The following SPATC1 variants were observed in gnomAD, a reference collection of about 807,000 sequenced individuals.
SPATC1 encodes spermatogenesis and centriole associated 1.
Under a neutral mutation model 36.5 loss-of-function variants are expected in SPATC1, and 35 were observed. The observed-to-expected ratio is 0.96, with a 90% CI of 0.73 to 1.27. The LOEUF (loss-of-function observed/expected upper bound fraction) is 1.27. Ranked by LOEUF, SPATC1 falls within the 50% of genes most tolerant of loss-of-function variation. The pLI, the probability that SPATC1 is intolerant of heterozygous loss-of-function variation, is 0.00. For synonymous variants in SPATC1, 361 were observed against 353.6 expected (o/e 1.02, Z -0.24); for missense variants, 779 against 796.0 (o/e 0.98, Z 0.26).
At chr8:144,019,991 G>GC (rs1277934855) in intron 1 of SPATC1, among the ~76,000 whole-genome samples, 3 of 151,754 alleles carry the variant, frequency 2.0e-5, no homozygotes, top group Admixed American at 2.0e-4. Flanking sequence ...CCGCACGAAC[G>GC]CCCGCCCCCA....
At chr8:144,044,461 C>G (rs1435700206) in intron 4 of SPATC1, among the ~76,000 whole-genome samples, 1 of 148,590 alleles carries the variant, frequency 6.7e-6, no homozygotes, top group African/African-American at 2.6e-5. Flanking sequence ...GCCACCACGC[C>G]CAGCTAATTT....
At chr8:144,023,827 CTCCCCTTAGGACCTTCGCCCTGAGGACA>C in intron 1 of SPATC1, among the ~76,000 whole-genome samples, 3 of 143,008 alleles carry the variant, frequency 2.1e-5, no homozygotes, top group Non-Finnish European at 3.1e-5. Flanking sequence ...CCCTCAGGAC[CTCCCCTTAGGACCTTCGCCCTGAGGACA>C]CTCTCTCTTC....
intron 2 of SPATC1, 33 bp downstream of exon 2, chr8:144,040,496 T>TC: frequency 6.5e-7 from 1 of 1,544,234 alleles, no homozygotes; most frequent in African/African-American, 1.4e-5. Flanking sequence ...GGTGGCAGAG[T>TC]GGGGGGGGGC....
At chr8:144,031,110 T>G (rs1834783843) in intron 1 of SPATC1, among the ~76,000 whole-genome samples, 1 of 152,128 alleles carries the variant, frequency 6.6e-6, no homozygotes, top group Non-Finnish European at 1.5e-5. Flanking sequence ...TTACCTCCAT[T>G]GGTGTTATTT....
chr8:144,017,625 A>G (rs906226472), intron 1 of SPATC1, among the ~76,000 whole-genome samples: 5 of 152,200 alleles, frequency 3.3e-5, no homozygotes, highest in Non-Finnish European at 5.9e-5. Context: ...CCAATCTACC[A>G]CATCCTGGCA....
At chr8:144,042,618 G>A (rs996693887) in intron 4 of SPATC1, among the ~76,000 whole-genome samples, 10 of 151,890 alleles carry the variant, frequency 6.6e-5, no homozygotes, top group South Asian at 2.1e-4. Flanking sequence ...CACCGCGCCC[G>A]GCCCCGAAAG....
chr8:144,029,201 C>CAAAAAA (rs1587505442), intron 1 of SPATC1, among the ~76,000 whole-genome samples: 1 of 23,396 alleles, frequency 4.3e-5, no homozygotes, highest in South Asian at 1.1e-3. Context: ...TACCCCAGAA[C>CAAAAAA]TAAAAAAAAA....
Position 144,047,041 on chromosome 8 carries a change from G to A in SPATC1, c.*85G>A. On this transcript the variant is annotated 3_prime_UTR_variant, in exon 5 of 5. Transcript: ENST00000377470. This position sits in a 1 kb window ranked among gnomAD's most constrained non-coding sequence, Gnocchi z 4.1. Reference sequence around the variant, plus strand: ...GCTTCCCACAGACACTGGTCGCTGGGCCTGTGCCAGCGCTCCTGGGTGGTG... The same window carrying A: ...GCTTCCCACAGACACTGGTCGCTGGACCTGTGCCAGCGCTCCTGGGTGGTG... 3 of 1,464,722 alleles carry A rather than the reference G, an allele frequency of 2.0e-6. No individual in the cohort carries two copies. The highest frequency in any genetic ancestry group is 2.7e-6 in the Non-Finnish European group (3 of 1,094,266). 90.7% of individuals were successfully genotyped at this position (1,464,722 alleles called of 1,614,324 possible). A position where few individuals can be genotyped will look rare whatever the true frequency, so the allele number is the denominator to read the frequency against.
chr8:144,025,854 A>G (rs897138551), intron 1 of SPATC1, among the ~76,000 whole-genome samples: 1 of 152,188 alleles, frequency 6.6e-6, no homozygotes, highest in Non-Finnish European at 1.5e-5. Context: ...TTGGCCCCTG[A>G]ACCATAAATG....
chr8:144,046,120 G>A lies in SPATC1; in HGVS notation c.1447-507G>A, dbSNP rs1554756697. 1.3e-5 allele frequency among the ~76,000 whole-genome samples: 2 copies of A among 152,144 alleles called. No homozygotes were observed. Among genetic ancestry groups the A allele is most frequent in the African/African-American group, 4.8e-5 (2 of 41,428 alleles). ...TGGGGGAGGAAAGGGAGTCCCCTAG[G>A]GGGTGTGCAGGCTAGAGGGTGCTGA... On this transcript the variant is annotated intron_variant, in intron 4 of 4. Coordinates refer to ENST00000377470, the MANE Select transcript of SPATC1 (RefSeq NM_198572.3). The surrounding 1 kb of genome is among the most constrained non-coding windows in gnomAD (Gnocchi z 6.6).
Position 144,047,103 on chromosome 8 carries a change from C to T in SPATC1, c.*147C>T, listed in dbSNP as rs1012083079. 1.3e-5 allele frequency: 12 copies of T among 928,004 alleles called. No individual in the cohort carries two copies. The highest frequency in any genetic ancestry group is 1.0e-4 in the African/African-American group (6 of 59,984). 57.5% of individuals were successfully genotyped at this position (928,004 alleles called of 1,614,324 possible). ...GGGGTGGCTCACCGGGCCCCGGCAC[C>T]GTGCCCCTTCAGCCCTGTCTGCCCT... On this transcript the variant is annotated 3_prime_UTR_variant, in exon 5 of 5. Coordinates refer to ENST00000377470, the MANE Select transcript of SPATC1 (RefSeq NM_198572.3). This position sits in a 1 kb window ranked among gnomAD's most constrained non-coding sequence, Gnocchi z 4.1.
chr8:144,030,932 T>TC (rs1174545578), intron 1 of SPATC1, among the ~76,000 whole-genome samples: 1 of 152,126 alleles, frequency 6.6e-6, no homozygotes, highest in Non-Finnish European at 1.5e-5. Context: ...AACTCTGTCC[T>TC]CCCCCTTTAT....
Position 144,045,243 on chromosome 8 carries a change from C to T in SPATC1, c.1447-1384C>T, listed in dbSNP as rs1308713647. Among the ~76,000 whole-genome samples the T allele has an allele frequency of 2.0e-5, 3 of 152,218 alleles. No homozygotes were observed. Among genetic ancestry groups the T allele is most frequent in the African/African-American group, 4.8e-5 (2 of 41,456 alleles). On this transcript the variant is annotated intron_variant, in intron 4 of 4. Transcript: ENST00000377470. This position sits in a 1 kb window ranked among gnomAD's most constrained non-coding sequence, Gnocchi z 5.2. Reference sequence around the variant, plus strand: ...GCCCCCCACAACTGTGCATATTACTCGTTTGCCTAGAAGGCTCAGGAGCCA... The same window carrying T: ...GCCCCCCACAACTGTGCATATTACTTGTTTGCCTAGAAGGCTCAGGAGCCA...
At chr8:144,037,125 G>A (rs1360000042) in intron 1 of SPATC1, among the ~76,000 whole-genome samples, 1 of 113,158 alleles carries the variant, frequency 8.8e-6, no homozygotes, top group Admixed American at 8.3e-5. Context: ...CCGGCAAGCC[G>A]CCCCGTCCGG....
In SPATC1 at chr8:144,017,489, G is replaced by A. The variant is rs1201072215; in HGVS notation, c.211+4763G>A. 2.0e-5 allele frequency among the ~76,000 whole-genome samples: 3 copies of A among 152,178 alleles called. No homozygotes were observed. The East Asian group carries it at 5.8e-4, about 29-fold the overall frequency. ...GGAGGAAACAGCTTGGGAGGTATGA[G>A]CAGGGCTTGGTCTGGTGGGCTGTGG... On this transcript the variant is annotated intron_variant, in intron 1 of 4. Coordinates refer to ENST00000377470, the MANE Select transcript of SPATC1 (RefSeq NM_198572.3).
rs782020364 is a variant in SPATC1, at chr8:144,046,592, C to T, written c.1447-35C>T. 40 of 1,574,768 alleles carry T rather than the reference C, an allele frequency of 2.5e-5. No individual in the cohort carries two copies. Among genetic ancestry groups the T allele is most frequent in the Non-Finnish European group, 3.4e-5 (39 of 1,161,698 alleles). On this transcript the variant is annotated intron_variant, in intron 4 of 4. Coordinates refer to ENST00000377470, the MANE Select transcript of SPATC1 (RefSeq NM_198572.3). The surrounding 1 kb of genome is among the most constrained non-coding windows in gnomAD (Gnocchi z 6.6). ...TACCTGCCTGTGTGTGGAGGTGTGG[C>T]AAGGGAGGGTCCCTGATGGCCGCTG...
intron 1 of SPATC1, among the ~76,000 whole-genome samples, chr8:144,027,130 CT>C (rs1396499627): frequency 3.3e-5 from 5 of 151,844 alleles, no homozygotes; most frequent in African/African-American, 1.2e-4. Flanking sequence ...CCACACCCAG[CT>C]TATTTCTTAA....
At position 144,013,363 on chromosome 8, in the gene SPATC1, A is replaced by C. The variant is rs546731587; in HGVS notation, c.211+637A>C. Among the ~76,000 whole-genome samples, 385 of 152,252 alleles carry C rather than the reference A, an allele frequency of 2.5e-3. 2 individuals carry two copies. Among genetic ancestry groups the C allele is most frequent in the Middle Eastern group, 0.01 (3 of 294 alleles). The stretch of plus-strand genomic sequence containing the variant: ...AGCTTCAACTCTCCACTAGAACTCA[A>C]GATCCCCTCCAGATCCTGCAGGCTC... On this transcript the variant is annotated intron_variant, in intron 1 of 4. Transcript: ENST00000377470.
intron 1 of SPATC1, among the ~76,000 whole-genome samples, chr8:144,014,084 C>G (rs1834332272): frequency 6.6e-6 from 1 of 152,120 alleles, no homozygotes; most frequent in Admixed American, 6.6e-5. Context: ...AACCCCATCT[C>G]TACTAAAAAT....
Sources: allele counts gnomAD v4.1 joint callset (sites outside exome capture counted in the v4.1 genomes callset), GRCh38; gene constraint gnomAD v4.1.1; non-coding constraint Gnocchi (gnomAD v3.1); transcripts MANE v1.5; gene names NCBI Gene and HGNC (gene_info 2026-07-23, HGNC 2026-07-21).